SIAH2: variants seen among roughly 807,000 people sequenced by gnomAD.
SIAH2 encodes the protein siah E3 ubiquitin protein ligase 2.
A neutral mutation model predicts 20.4 loss-of-function variants in SIAH2; 4 were observed. The observed-to-expected ratio is 0.20, with a 90% CI of 0.10 to 0.45. The LOEUF (loss-of-function observed/expected upper bound fraction) is 0.45. Ranked by LOEUF, SIAH2 falls within the 20% of genes least tolerant of loss-of-function variation. The pLI is 0.99. For missense variants in SIAH2, 259 were observed against 440.3 expected (o/e 0.59, Z 3.69); for synonymous variants, 171 against 192.5 (o/e 0.89, Z 0.93).
At chr3:150,746,533 G>A (rs954078450) in intron 1 of SIAH2, among the ~76,000 whole-genome samples, 1 of 152,144 alleles carries the variant, frequency 6.6e-6, no homozygotes, top group Non-Finnish European at 1.5e-5. Flanking sequence ...TGTTGTGGGG[G>A]CTGTGCTGTG....
chr3:150,761,563 A>G (rs893934387), intron 1 of SIAH2, among the ~76,000 whole-genome samples: 1 of 152,206 alleles, frequency 6.6e-6, no homozygotes, highest in African/African-American at 2.4e-5. Context: ...CTATGATTCT[A>G]TATTTAGCTG....
In SIAH2 at chr3:150,762,320, T is replaced by TC. The variant is rs1553760521; in HGVS notation, c.417+112_417+113insG. On this transcript the variant is annotated intron_variant, in intron 1 of 1. Transcript: ENST00000312960. The surrounding 1 kb of genome is among the most constrained non-coding windows in gnomAD (Gnocchi z 6.6). The stretch of plus-strand genomic sequence containing the variant: ...GGACGAAGTGTAAACATTTTTTCTT[T>TC]TTTTTTTTTAAATGAGAGATGCCGC... The TC allele has an allele frequency of 2.7e-6, 4 of 1,479,830 alleles. No individual in the cohort carries two copies. In the South Asian group the frequency reaches 3.9e-5, roughly 15 times the overall value. 91.7% of individuals were successfully genotyped at this position (1,479,830 alleles called of 1,614,324 possible).
intron 1 of SIAH2, among the ~76,000 whole-genome samples, chr3:150,745,275 A>ACACACACACC (rs1553759385): frequency 6.7e-6 from 1 of 148,416 alleles, no homozygotes; most frequent in East Asian, 2.0e-4. Context: ...ACACACACAC[A>ACACACACACC]CACCCCACAT....
chr3:150,752,428 G>A (rs1275905484), intron 1 of SIAH2, among the ~76,000 whole-genome samples: 1 of 152,190 alleles, frequency 6.6e-6, no homozygotes, highest in Admixed American at 6.5e-5. Flanking sequence ...GGCCAACATG[G>A]CGAAGTCATG....
At chr3:150,752,687 C>T (rs1270413384) in intron 1 of SIAH2, among the ~76,000 whole-genome samples, 3 of 152,068 alleles carry the variant, frequency 2.0e-5, no homozygotes, top group Non-Finnish European at 4.4e-5. Flanking sequence ...TATTATTCTT[C>T]TCCGGCCCCG....
chr3:150,758,435 C>G (rs1364055500), intron 1 of SIAH2, among the ~76,000 whole-genome samples: 1 of 151,916 alleles, frequency 6.6e-6, no homozygotes, highest in African/African-American at 2.4e-5. Context: ...CACTTCTCCC[C>G]CTAAACCCAC....
chr3:150,742,059 T>C lies in SIAH2; in HGVS notation c.*82A>G. On this transcript the variant is annotated 3_prime_UTR_variant, in exon 2 of 2. Transcript: ENST00000312960. This position sits in a 1 kb window ranked among gnomAD's most constrained non-coding sequence, Gnocchi z 4.8. Reference sequence around the variant, plus strand: ...TTGTGGGTCCTGACTTGTGAAGACATATGGAATAAAACATCTATAAAAACC... The same window carrying C: ...TTGTGGGTCCTGACTTGTGAAGACACATGGAATAAAACATCTATAAAAACC... 7.6e-7 allele frequency: 1 copy of C among 1,308,630 alleles called. No individual in the cohort carries two copies. The highest frequency in any genetic ancestry group is 1.1e-6 in the Non-Finnish European group (1 of 945,762). The allele number at this position is 1,308,630 out of a possible 1,614,324, so 81.1% of individuals were successfully genotyped here.
intron 1 of SIAH2, among the ~76,000 whole-genome samples, chr3:150,757,714 C>T (rs1714515102): frequency 6.6e-6 from 1 of 152,042 alleles, no homozygotes; most frequent in East Asian, 1.9e-4. Context: ...GGCACGGTGG[C>T]TCACACTTGT....
chr3:150,749,147 A>G (rs1245154918), intron 1 of SIAH2, among the ~76,000 whole-genome samples: 2 of 152,312 alleles, frequency 1.3e-5, no homozygotes, highest in Non-Finnish European at 2.9e-5. Context: ...GATAAAGGCT[A>G]TAAGGGAATT....
chr3:150,747,346 T>C (rs1714240543), intron 1 of SIAH2, among the ~76,000 whole-genome samples: 1 of 152,238 alleles, frequency 6.6e-6, no homozygotes, highest in South Asian at 2.1e-4. Context: ...TCCTGAGGTT[T>C]CACTTCATAC....
intron 1 of SIAH2, among the ~76,000 whole-genome samples, chr3:150,743,970 G>A: frequency 6.6e-6 from 1 of 151,242 alleles, no homozygotes; most frequent in Non-Finnish European, 1.5e-5. Flanking sequence ...CACCAAATAA[G>A]GGCAAGGCCA....
chr3:150,749,200 T>C (rs1714294836), intron 1 of SIAH2, among the ~76,000 whole-genome samples: 1 of 152,096 alleles, frequency 6.6e-6, no homozygotes, highest in African/African-American at 2.4e-5. Flanking sequence ...TATGAAATCA[T>C]ATCAAAATAA....
chr3:150,742,971 C>T lies in SIAH2; in HGVS notation c.418-273G>A, dbSNP rs1306683960. On this transcript the variant is annotated intron_variant, in intron 1 of 1. Transcript: ENST00000312960. The surrounding 1 kb of genome is among the most constrained non-coding windows in gnomAD (Gnocchi z 4.8). ...TGTCAAAGGGATCAGAACTAAAGTT[C>T]TCTTACTGTGCACATCTCAAAATTG... Among the ~76,000 whole-genome samples, 1 of 151,988 alleles carries T rather than the reference C, an allele frequency of 6.6e-6. No individual in the cohort carries two copies. The highest frequency in any genetic ancestry group is 1.5e-5 in the Non-Finnish European group (1 of 68,034).
Position 150,742,483 on chromosome 3 carries a change from G to C in SIAH2, c.633C>G (p.Asn211Lys), listed in dbSNP as rs1714117038. The change falls in exon 2 of 2, where the codon AAC (asparagine) becomes AAG (lysine). Residue 211 changes from asparagine to lysine, a missense_variant. Around this residue, in one of 2 missense-constraint regions of SIAH2, gnomAD observed 160 missense variants for 327.6 expected, o/e 0.49. Transcript: ENST00000312960. This position sits in a 1 kb window ranked among gnomAD's most constrained non-coding sequence, Gnocchi z 4.8. ...TCACCCAGTCGACAGCCCCTGGCAA[G>C]TTAATGTCTGTAGCTAGAAAGACGA... is the stretch of plus-strand genomic sequence containing the variant. The part of the protein sequence containing the change: ...EDIVFLATDI[N>K]LPGAVDWVMM... The C allele has an allele frequency of 1.2e-6, 2 of 1,614,228 alleles. No homozygotes were observed. Among genetic ancestry groups the C allele is most frequent in the Middle Eastern group, 1.6e-4 (1 of 6,062 alleles).
intron 1 of SIAH2, among the ~76,000 whole-genome samples, chr3:150,747,149 A>G (rs1397103110): frequency 6.6e-6 from 1 of 152,206 alleles, no homozygotes; most frequent in Non-Finnish European, 1.5e-5. Context: ...CCAACCCAAC[A>G]CACATAAAAC....
At chr3:150,759,203 G>A (rs558545847) in intron 1 of SIAH2, among the ~76,000 whole-genome samples, 1 of 152,050 alleles carries the variant, frequency 6.6e-6, no homozygotes, top group Non-Finnish European at 1.5e-5. Flanking sequence ...TAATGCATCC[G>A]GTTCCCCATA....
intron 1 of SIAH2, among the ~76,000 whole-genome samples, chr3:150,757,605 G>A (rs1270044769): frequency 6.6e-6 from 1 of 152,058 alleles, no homozygotes. Context: ...CTGGAGACGT[G>A]GTGGTTCGCT....
rs907756664 is a variant in SIAH2, at chr3:150,762,369, G to A, written c.417+64C>T. ...GCCCGCCTCTCCGGGCCTGCGAGTG[G>A]GCTGGCGGATACCGGAGTCCCTGAG... On this transcript the variant is annotated intron_variant, in intron 1 of 1. Coordinates refer to ENST00000312960, the MANE Select transcript of SIAH2 (RefSeq NM_005067.7). The surrounding 1 kb of genome is among the most constrained non-coding windows in gnomAD (Gnocchi z 6.6). 2 of 1,547,516 alleles carry A rather than the reference G, an allele frequency of 1.3e-6. No homozygotes were observed. The highest frequency in any genetic ancestry group is 2.1e-5 in the Admixed American group (1 of 48,092).
intron 1 of SIAH2, among the ~76,000 whole-genome samples, chr3:150,759,298 T>G (rs902980906): frequency 1.3e-5 from 2 of 152,220 alleles, no homozygotes; most frequent in African/African-American, 4.8e-5. Context: ...TCCATTTTTT[T>G]GCCAACTGAA....
Sources: allele counts gnomAD v4.1 joint callset (sites outside exome capture counted in the v4.1 genomes callset), GRCh38; gene constraint gnomAD v4.1.1; regional missense constraint gnomAD v4.1.1; non-coding constraint Gnocchi (gnomAD v3.1); transcripts MANE v1.5; gene names NCBI Gene and HGNC (gene_info 2026-07-23, HGNC 2026-07-21).